AP3B1: variants seen among roughly 807,000 people sequenced by gnomAD.
AP3B1 encodes AP-3 complex subunit beta-1.
Under a neutral mutation model 132.5 loss-of-function variants are expected in AP3B1, and 61 were observed. That is an observed-to-expected ratio of 0.46 (90% CI 0.37 to 0.57). The LOEUF (loss-of-function observed/expected upper bound fraction) is 0.57, where lower values mean the gene tolerates loss of function less well. Among genes scored for constraint, AP3B1 ranks in the 20% least tolerant of loss-of-function variants. AP3B1 has a pLI of 0.00. For missense variants in AP3B1, 1,120 were observed against 1,289.4 expected (o/e 0.87, Z 2.01); for synonymous variants, 388 against 438.3 (o/e 0.89, Z 1.43).
intron 26 of AP3B1, among the ~76,000 whole-genome samples, chr5:78,012,731 G>C (rs902074968): frequency 6.6e-6 from 1 of 152,204 alleles, no homozygotes; most frequent in Non-Finnish European, 1.5e-5. Context: ...AAAGCCTCAA[G>C]ACACTGTGGA....
At chr5:78,122,457 A>C (rs1335689119) in intron 17 of AP3B1, among the ~76,000 whole-genome samples, 2 of 152,240 alleles carry the variant, frequency 1.3e-5, no homozygotes, top group Non-Finnish European at 2.9e-5. Flanking sequence ...CCATCGTCTC[A>C]GCCCAAAATC....
chr5:78,104,062 T>C (rs1480909748), intron 20 of AP3B1, among the ~76,000 whole-genome samples: 4 of 152,062 alleles, frequency 2.6e-5, no homozygotes, highest in Non-Finnish European at 4.4e-5. Flanking sequence ...AACTATAAAA[T>C]AGGATAAGCA....
intron 22 of AP3B1, among the ~76,000 whole-genome samples, chr5:78,085,070 A>G (rs964234470): frequency 2.0e-5 from 3 of 152,210 alleles, no homozygotes; most frequent in Non-Finnish European, 4.4e-5. Flanking sequence ...TTATTTCCTT[A>G]GAAGAAGAAT....
chr5:78,194,954 T>C (rs1745018739), intron 7 of AP3B1, among the ~76,000 whole-genome samples: 2 of 152,110 alleles, frequency 1.3e-5, no homozygotes, highest in Admixed American at 1.3e-4. Flanking sequence ...TATTTATAAA[T>C]GAATGTTTTA....
At chr5:78,273,037 G>GCATATACATATACACACATATATGTATA (rs1748615624) in intron 1 of AP3B1, among the ~76,000 whole-genome samples, 1 of 152,108 alleles carries the variant, frequency 6.6e-6, no homozygotes, top group Admixed American at 6.5e-5. Flanking sequence ...ATATATGTAT[G>GCATATACATATACACACATATATGTATA]CATATACATA....
chr5:78,123,255 C>T (rs1032261784), intron 17 of AP3B1, among the ~76,000 whole-genome samples: 3 of 152,156 alleles, frequency 2.0e-5, no homozygotes, highest in African/African-American at 7.2e-5. Context: ...TAGAAGAAAA[C>T]CTAGGCAATA....
intron 22 of AP3B1, among the ~76,000 whole-genome samples, chr5:78,075,104 G>C (rs1282272629): frequency 6.6e-6 from 1 of 152,066 alleles, no homozygotes; most frequent in Non-Finnish European, 1.5e-5. Flanking sequence ...AAAAAGTCTA[G>C]CACTCTGCCA....
chr5:78,031,093 G>A (rs1747556182), intron 24 of AP3B1, among the ~76,000 whole-genome samples: 1 of 151,924 alleles, frequency 6.6e-6, no homozygotes, highest in African/African-American at 2.4e-5. Context: ...CTTATTTTCT[G>A]TCTCTGCCTT....
At chr5:78,129,502 G>A (rs1435618278) in intron 15 of AP3B1, among the ~76,000 whole-genome samples, 195 bp from the exon 16 acceptor site, 1 of 151,934 alleles carries the variant, frequency 6.6e-6, no homozygotes, top group African/African-American at 2.4e-5. Flanking sequence ...TACTGGGTAG[G>A]TGAATGCTGA....
intron 14 of AP3B1, among the ~76,000 whole-genome samples, chr5:78,150,779 T>A (rs66637616): frequency 0.31 from 47,304 of 152,038 alleles, 7,836 homozygotes; most frequent in South Asian, 0.42. Flanking sequence ...TTATTTATTT[T>A]TTTTTTACAT....
At chr5:78,105,863 G>A (rs1057056069) in intron 20 of AP3B1, among the ~76,000 whole-genome samples, 2 of 152,168 alleles carry the variant, frequency 1.3e-5, no homozygotes, top group Non-Finnish European at 2.9e-5. Flanking sequence ...CTGAATGTGT[G>A]ACTATAGTTT....
intron 6 of AP3B1, 112 bp downstream of exon 6, chr5:78,225,430 T>C (rs1272404569): frequency 1.7e-6 from 1 of 597,564 alleles, no homozygotes; most frequent in African/African-American, 1.9e-5. Context: ...GCCATTAATA[T>C]TTATACCATT....
chr5:78,160,001 G>A (rs1237809488), intron 13 of AP3B1, among the ~76,000 whole-genome samples: 2 of 152,190 alleles, frequency 1.3e-5, no homozygotes, highest in Non-Finnish European at 2.9e-5. Context: ...CAGGTAGACT[G>A]GGTAATTTAC....
chr5:78,010,575 G>C (rs1746580086), intron 26 of AP3B1, among the ~76,000 whole-genome samples: 2 of 152,148 alleles, frequency 1.3e-5, no homozygotes, highest in African/African-American at 4.8e-5. Flanking sequence ...ACAAAAGCAA[G>C]GCACCTCAGT....
chr5:78,089,168 A>T, intron 22 of AP3B1: 1 of 468,198 alleles, frequency 2.1e-6, no homozygotes, highest in Non-Finnish European at 3.9e-6. Context: ...ACCAGAGAAA[A>T]ACATACAGAT....
chr5:78,071,844 G>C (rs1403343455), intron 22 of AP3B1, among the ~76,000 whole-genome samples: 1 of 152,154 alleles, frequency 6.6e-6, no homozygotes, highest in Non-Finnish European at 1.5e-5. Flanking sequence ...GAAGCCATTT[G>C]AAGTCTCTCC....
intron 21 of AP3B1, among the ~76,000 whole-genome samples, chr5:78,099,004 G>A (rs1171151563): frequency 1.3e-5 from 2 of 152,140 alleles, no homozygotes; most frequent in Admixed American, 1.3e-4. Context: ...CCAGACTATG[G>A]TGGGGCCTTT....
chr5:78,116,006 T>G, intron 18 of AP3B1, 120 bp downstream of exon 18: 1 of 754,218 alleles, frequency 1.3e-6, no homozygotes, highest in Admixed American at 2.0e-5. Flanking sequence ...AGGGATTATT[T>G]TGATAATACA....
intron 1 of AP3B1, among the ~76,000 whole-genome samples, chr5:78,292,105 T>G (rs899484090): frequency 6.6e-6 from 1 of 152,228 alleles, no homozygotes; most frequent in East Asian, 1.9e-4. Flanking sequence ...GCAACTTTTT[T>G]GTAAACTTGA....
Sources: gnomAD v4.1 joint callset for allele counts (sites outside exome capture counted in the v4.1 genomes callset) on GRCh38, gnomAD v4.1.1 for gene constraint, MANE v1.5 for transcripts, NCBI Gene and HGNC (gene_info 2026-07-23, HGNC 2026-07-21) for gene names.